Variants in ARHGEF11 observed in about 807,000 individuals in gnomAD.
ARHGEF11 encodes the protein Rho guanine nucleotide exchange factor 11.
ARHGEF11 carries 55 observed loss-of-function variants against 193.7 expected under a neutral mutation model. The ratio of observed to expected loss-of-function variants is 0.28; its 90% CI spans 0.23 to 0.36. ARHGEF11 has a LOEUF of 0.36. Among genes scored for constraint, ARHGEF11 ranks in the 10% least tolerant of loss-of-function variants. The probability of loss-of-function intolerance (pLI) is 1.00; values close to 1 mark genes in which losing one functional copy is unlikely to be tolerated. For synonymous variants in ARHGEF11, 693 were observed against 768.0 expected, an observed-to-expected ratio of 0.90 and a Z score of 1.62; for missense variants, 1,723 against 2,005.6, an observed-to-expected ratio of 0.86 and a Z score of 2.69.
chr1:156,990,755 T>G (rs923181405), intron 1 of ARHGEF11, among the ~76,000 whole-genome samples: 3 of 152,190 alleles, frequency 2.0e-5, no homozygotes, highest in African/African-American at 7.2e-5. Context: ...GAAAGCCAGC[T>G]CCTGTGTCCT....
intron 1 of ARHGEF11, among the ~76,000 whole-genome samples, chr1:157,037,230 C>A (rs1402853574): frequency 6.6e-6 from 1 of 152,188 alleles, no homozygotes; most frequent in Non-Finnish European, 1.5e-5. Flanking sequence ...TTTGTCCCCA[C>A]CATAACCGTT....
intron 1 of ARHGEF11, among the ~76,000 whole-genome samples, chr1:157,001,805 A>G (rs952697072): frequency 1.3e-5 from 2 of 152,238 alleles, no homozygotes; most frequent in East Asian, 3.9e-4. Context: ...GGCTTGCACA[A>G]CAGTGAAACG....
At chr1:157,031,192 C>T (rs1291542024) in intron 1 of ARHGEF11, among the ~76,000 whole-genome samples, 1 of 152,136 alleles carries the variant, frequency 6.6e-6, no homozygotes, top group East Asian at 1.9e-4. Context: ...AATATGTATT[C>T]AGTAAATGTG....
chr1:156,982,303 G>C (rs551070856), intron 3 of ARHGEF11, among the ~76,000 whole-genome samples: 5 of 152,092 alleles, frequency 3.3e-5, no homozygotes, highest in African/African-American at 9.6e-5. Flanking sequence ...GTATTTCTTG[G>C]ACCTCTTGCC....
Position 156,943,947 on chromosome 1 carries a change from A to G in ARHGEF11, c.3223T>C (p.Ser1075Pro). 1 of 1,613,088 alleles carries G rather than the reference A, an allele frequency of 6.2e-7. No homozygotes were observed. The highest frequency in any genetic ancestry group is 8.5e-7 in the Non-Finnish European group (1 of 1,179,396). The part of the protein sequence containing the change: ...VLKLNAVLIR[S>P]VATDKRAFFI... ...TCTCCCCAGGTACCTGTGGCCACAG[A>G]GCGGATGAGCACAGCATTGAGCTTG... Residue 1075 changes from serine to proline, a missense_variant, in exon 32 of 41, where the codon TCT becomes CCT. Physicochemically the swap from Ser to Pro is moderately conservative, Grantham distance 74. Around this residue, in one of 5 missense-constraint regions of ARHGEF11, gnomAD observed 23 missense variants for 58.7 expected, o/e 0.39. Transcript: ENST00000368194.
chr1:157,012,838 T>C (rs73012647), intron 1 of ARHGEF11, among the ~76,000 whole-genome samples: 2,333 of 152,310 alleles, frequency 0.015, 56 homozygotes, highest in African/African-American at 0.048. Flanking sequence ...GCAATCATCA[T>C]CACCGCCATC....
intron 1 of ARHGEF11, among the ~76,000 whole-genome samples, chr1:157,024,265 G>A (rs1332108130): frequency 6.6e-6 from 1 of 152,194 alleles, no homozygotes; most frequent in Non-Finnish European, 1.5e-5. Flanking sequence ...GTGGTTGCCT[G>A]GTGGGACTGT....
intron 15 of ARHGEF11, among the ~76,000 whole-genome samples, chr1:156,959,920 AATAACCCCCCCT>A (rs1378811284): frequency 5.7e-5 from 7 of 123,292 alleles, no homozygotes; most frequent in Non-Finnish European, 1.0e-4. Flanking sequence ...TAAAAACAAA[AATAACCCCCCCT>A]CCCCCCCCCC....
At chr1:157,035,818 AGGAATATATATAT>A (rs201314947) in intron 1 of ARHGEF11, among the ~76,000 whole-genome samples, 64,395 of 84,650 alleles carry the variant, frequency 0.76, 22,262 homozygotes, top group Middle Eastern at 0.84. Flanking sequence ...ATATATATAT[AGGAATATATATAT>A]GGAATATATA....
At chr1:156,987,105 G>A (rs187119659) in intron 1 of ARHGEF11, among the ~76,000 whole-genome samples, 19 of 152,308 alleles carry the variant, frequency 1.2e-4, no homozygotes, top group Admixed American at 8.5e-4. Context: ...AACTGCTGTG[G>A]CACTCCTTTT....
chr1:156,978,113 A>G (rs1487609852), intron 6 of ARHGEF11, 91 bp downstream of exon 6: 9 of 1,546,028 alleles, frequency 5.8e-6, no homozygotes, highest in Non-Finnish European at 7.9e-6. Flanking sequence ...TGTTTACCAC[A>G]GCCCCACTGG....
At position 157,025,974 on chromosome 1, in the gene ARHGEF11, T is replaced by A. The variant is rs185793186; in HGVS notation, c.32+18325A>T. 7.7e-4 allele frequency among the ~76,000 whole-genome samples: 117 copies of A among 152,330 alleles called. 1 individual carries two copies. The highest frequency in any genetic ancestry group is 3.1e-3 in the Admixed American group (48 of 15,300). The stretch of plus-strand genomic sequence containing the variant: ...TAATGCTTGGTACTGCAAGGATTAT[T>A]GTATTAAGTGGATTCTTATCCTTTG... On this transcript the variant is annotated intron_variant, in intron 1 of 40. Coordinates refer to ENST00000368194, the MANE Select transcript of ARHGEF11 (RefSeq NM_198236.3).
intron 1 of ARHGEF11, among the ~76,000 whole-genome samples, chr1:157,043,327 C>T (rs1200702791): frequency 6.6e-6 from 1 of 152,088 alleles, no homozygotes; most frequent in African/African-American, 2.4e-5. Context: ...GCAGTGCCCA[C>T]AAAACACACC....
Position 156,937,384 on chromosome 1 carries a change from C to A in ARHGEF11, c.4305G>T (p.Glu1435Asp). The A allele has an allele frequency of 6.2e-7, 1 of 1,607,244 alleles. No homozygotes were observed. Among genetic ancestry groups the A allele is most frequent in the Non-Finnish European group, 8.5e-7 (1 of 1,176,756 alleles). The change falls in exon 39 of 41, where the codon GAG becomes GAT. Residue 1435 changes from glutamate to aspartate, a missense_variant. Transcript: ENST00000368194. ...TGCCTCCCTGCAGCTGAGGCTGAGG[C>A]TCTGTCTGCCCTGCAGGGAGGCTGT... ...QPDSLPAGQTEPQPQLQGGND... is the reference protein window; with the variant it reads ...QPDSLPAGQTDPQPQLQGGND...
chr1:156,941,735 G>A (rs1414902665), intron 34 of ARHGEF11, 129 bp downstream of exon 34: 1 of 1,368,752 alleles, frequency 7.3e-7, no homozygotes, highest in Non-Finnish European at 9.9e-7. Context: ...AGCACTTGGA[G>A]CTGTCTGCTC....
intron 2 of ARHGEF11, 126 bp downstream of exon 2, chr1:156,985,956 T>C: frequency 4.1e-6 from 3 of 722,980 alleles, no homozygotes; most frequent in East Asian, 2.6e-5. Context: ...CTGACTGGCA[T>C]AGCACACTAC....
intron 18 of ARHGEF11, 36 bp downstream of exon 18, chr1:156,957,756 T>A: frequency 4.3e-6 from 7 of 1,611,626 alleles, no homozygotes; most frequent in Non-Finnish European, 5.9e-6. Context: ...TCCTTCCACC[T>A]TGAAAGCTGC....
chr1:157,004,310 C>T (rs1222015865), intron 1 of ARHGEF11, among the ~76,000 whole-genome samples: 2 of 152,220 alleles, frequency 1.3e-5, no homozygotes, highest in African/African-American at 2.4e-5. Context: ...ATTCACTCTG[C>T]TCCCCAACCA....
intron 3 of ARHGEF11, among the ~76,000 whole-genome samples, chr1:156,983,347 G>C (rs190313899): frequency 6.6e-6 from 1 of 151,994 alleles, no homozygotes; most frequent in Admixed American, 6.5e-5. Flanking sequence ...TCAGCCTCCC[G>C]AGTAGCTGGG....
Sources: gnomAD v4.1 joint callset for allele counts (sites outside exome capture counted in the v4.1 genomes callset) on GRCh38, gnomAD v4.1.1 for gene constraint, gnomAD v4.1.1 regional missense constraint, MANE v1.5 for transcripts, NCBI Gene and HGNC (gene_info 2026-07-23, HGNC 2026-07-21) for gene names.